ZNF880: variants seen among roughly 807,000 people sequenced by gnomAD.
The protein encoded by ZNF880 is zinc finger protein 880, also known as zinc finger protein LOC400713.
In ZNF880, 12 loss-of-function variants were observed where a neutral mutation model predicts 11.8. The ratio of observed to expected loss-of-function variants is 1.02; its 90% confidence interval spans 0.65 to 1.65. ZNF880 has a LOEUF of 1.65. Ranked by LOEUF, ZNF880 falls within the 40% of genes most tolerant of loss-of-function variation. The pLI is 0.00. For missense variants in ZNF880, 601 were observed against 673.9 expected, an observed-to-expected ratio of 0.89 and a Z score of 1.20; for synonymous variants, 210 against 232.4, an observed-to-expected ratio of 0.90 and a Z score of 0.88.
intron 1 of ZNF880, among the ~76,000 whole-genome samples, chr19:52,372,137 C>G (rs1600245815): frequency 6.6e-6 from 1 of 151,480 alleles, no homozygotes; most frequent in East Asian, 2.0e-4. Context: ...TGCAGTGAGC[C>G]AAGATTGTGC....
At chr19:52,392,136 A>G in the ZNF880 span, among the ~76,000 whole-genome samples, 1 of 152,168 alleles carries the variant, frequency 6.6e-6, no homozygotes, top group African/African-American at 2.4e-5. Context: ...TGGAGAAACA[A>G]TTTACTGAGG....
Position 52,385,437 on chromosome 19 carries a change from C to T in ZNF880, c.*123C>T. On this transcript the variant is annotated 3_prime_UTR_variant, in exon 4 of 4. Transcript: ENST00000422689. Reference sequence around the variant, plus strand: ...CTTCATGCTAAGTTCTAGCATTAATCAACATCAGAGATTCCATACTAAAGA... The same window carrying T: ...CTTCATGCTAAGTTCTAGCATTAATTAACATCAGAGATTCCATACTAAAGA... 2 of 1,142,434 alleles carry T rather than the reference C, an allele frequency of 1.8e-6. No homozygotes were observed. Among genetic ancestry groups the T allele is most frequent in the Non-Finnish European group, 2.4e-6 (2 of 819,502 alleles). 70.8% of individuals were successfully genotyped at this position (1,142,434 alleles called of 1,614,324 possible).
intron 3 of ZNF880, among the ~76,000 whole-genome samples, chr19:52,377,460 G>A (rs982438910): frequency 2.0e-5 from 3 of 152,142 alleles, no homozygotes; most frequent in African/African-American, 7.2e-5. Context: ...TTTCTATGAT[G>A]CCTTTCTGAT....
At chr19:52,386,802 C>A (rs916410829), downstream of ZNF880, among the ~76,000 whole-genome samples, 981 of 79,324 alleles carry the variant, frequency 0.012, no homozygotes, top group African/African-American at 0.028. Flanking sequence ...AACTCTGTCT[C>A]AAAAAAAAAA....
downstream of ZNF880, chr19:52,389,842 A>C (rs1243688747): frequency 6.6e-6 from 1 of 152,252 alleles, no homozygotes; most frequent in Non-Finnish European, 1.5e-5. Context: ...ATCTGAGACC[A>C]CCTTCAGCCT....
chr19:52,391,712 T>A, the ZNF880 span: 1 of 152,228 alleles, frequency 6.6e-6, no homozygotes, highest in Admixed American at 6.5e-5. Flanking sequence ...ATAAGGCATG[T>A]GCATTTCCTA....
upstream of ZNF880, among the ~76,000 whole-genome samples, chr19:52,368,013 A>C (rs1459959831): frequency 2.0e-5 from 3 of 151,800 alleles, no homozygotes; most frequent in East Asian, 5.8e-4. Flanking sequence ...ATCCTGGTCA[A>C]CATGGTGAAA....
At chr19:52,372,204 T>C (rs1015424595) in intron 1 of ZNF880, among the ~76,000 whole-genome samples, 9 of 151,632 alleles carry the variant, frequency 5.9e-5, no homozygotes, top group African/African-American at 2.2e-4. Flanking sequence ...AAATTATATA[T>C]ATTGTATCTG....
the ZNF880 span, among the ~76,000 whole-genome samples, chr19:52,392,332 G>A: frequency 2.0e-5 from 3 of 150,936 alleles, no homozygotes; most frequent in East Asian, 1.9e-4. Flanking sequence ...ACGGAGCCTC[G>A]CTCTGTCACC....
At chr19:52,394,441 C>T in the ZNF880 span, among the ~76,000 whole-genome samples, 23 of 151,326 alleles carry the variant, frequency 1.5e-4, no homozygotes, top group East Asian at 4.4e-3. Flanking sequence ...CACCATGTTA[C>T]CCAGCCTGGT....
chr19:52,367,980 C>G (rs1471676589), upstream of ZNF880, among the ~76,000 whole-genome samples: 1 of 151,696 alleles, frequency 6.6e-6, no homozygotes, highest in Non-Finnish European at 1.5e-5. Flanking sequence ...TTGGGTGGAT[C>G]ACGAGGTCAG....
chr19:52,380,302 G>GTTT lies in ZNF880; in HGVS notation c.269-3539_269-3537dup, dbSNP rs150901227. Among the ~76,000 whole-genome samples the GTTT allele has an allele frequency of 2.0e-5, 3 of 148,752 alleles. No homozygotes were observed. In the South Asian group the frequency reaches 6.3e-4, roughly 31 times the overall value. On this transcript the variant is annotated intron_variant, in intron 3 of 3. Transcript: ENST00000422689. ...ATGTACTGTTTTTTTTGTCTTTTGG[G>GTTT]TTTTTTTTTTAACAATAAATATTCC...
At chr19:52,387,748 G>A (rs918097227), downstream of ZNF880, among the ~76,000 whole-genome samples, 11 of 140,550 alleles carry the variant, frequency 7.8e-5, 1 homozygote, top group East Asian at 4.2e-4. Flanking sequence ...TGTGCCTGGC[G>A]ACAAATACTA....
chr19:52,376,527 T>TTTTTTTTTGGCG (rs1986561704), intron 3 of ZNF880, among the ~76,000 whole-genome samples: 1 of 138,594 alleles, frequency 7.2e-6, no homozygotes, highest in African/African-American at 2.7e-5. Flanking sequence ...TTTTTTTTTT[T>TTTTTTTTTGGCG]GAGACAGCGT....
the ZNF880 span, chr19:52,391,459 G>A: frequency 6.6e-6 from 1 of 150,610 alleles, no homozygotes; most frequent in Non-Finnish European, 1.5e-5. Flanking sequence ...AGAGGGAAGA[G>A]CAGGAGAAGG....
the ZNF880 span, chr19:52,396,875 G>A: frequency 2.0e-5 from 3 of 152,264 alleles, no homozygotes; most frequent in Non-Finnish European, 4.4e-5. Context: ...GGAAGTCAAG[G>A]TTGCAGTGAG....
chr19:52,384,041 A>G lies in ZNF880; in HGVS notation c.461A>G (p.Lys154Arg), dbSNP rs56370398. 5.2e-3 allele frequency: 8,132 copies of G among 1,558,818 alleles called. 358 individuals are homozygous for G. The African/African-American group carries it at 0.097, about 19-fold the overall frequency. Reference sequence around the variant, plus strand: ...CTTCAAAAAATTTATTCTAGTGTCAAATCCCACATTTTAAATAAATACAGA... The same window carrying G: ...CTTCAAAAAATTTATTCTAGTGTCAGATCCCACATTTTAAATAAATACAGA... ...SPLQKIYSSV[K>R]SHILNKYRND... Residue 154 changes from lysine (K) to arginine (R), a missense_variant, in exon 4 of 4, where the codon AAA (lysine) becomes AGA (arginine). Lys to Arg is a conservative substitution (Grantham distance 26). This residue lies in a region of ZNF880 where 420 missense variants were observed against 442.6 expected (regional missense o/e 0.95). Coordinates refer to ENST00000422689, the MANE Select transcript of ZNF880 (RefSeq NM_001145434.2).
intron 3 of ZNF880, among the ~76,000 whole-genome samples, chr19:52,377,128 A>C (rs1228634690): frequency 1.3e-5 from 2 of 152,094 alleles, no homozygotes; most frequent in Non-Finnish European, 2.9e-5. Flanking sequence ...ATCTGATGCT[A>C]AGTTTATACA....
intron 3 of ZNF880, among the ~76,000 whole-genome samples, chr19:52,375,159 T>G (rs1045387269): frequency 4.9e-4 from 56 of 113,988 alleles, no homozygotes; most frequent in African/African-American, 2.2e-3. Context: ...CTAGTATTGG[T>G]TTTTTTTTTT....
Sources: allele counts gnomAD v4.1 joint callset (sites outside exome capture counted in the v4.1 genomes callset), GRCh38; gene constraint gnomAD v4.1.1; regional missense constraint gnomAD v4.1.1; transcripts MANE v1.5; gene names NCBI Gene and HGNC (gene_info 2026-07-23, HGNC 2026-07-21).